Variants in CCDC57 observed in about 807,000 individuals in gnomAD.
CCDC57 encodes coiled-coil domain containing 57.
In CCDC57, 118 loss-of-function variants were observed where a neutral mutation model predicts 118.9. The ratio of observed to expected loss-of-function variants is 0.99; its 90% confidence interval spans 0.86 to 1.16. CCDC57 has a LOEUF of 1.16. CCDC57 is among the 50% of genes most tolerant of loss of function. The probability of loss-of-function intolerance (pLI) is 0.00; values close to 1 mark genes in which losing one functional copy is unlikely to be tolerated. For synonymous variants in CCDC57, 527 were observed against 532.9 expected (o/e 0.99, Z 0.15); for missense variants, 1,300 against 1,320.7 (o/e 0.98, Z 0.24).
rs1263692816 is a variant in CCDC57 at position 82,151,198 on chromosome 17, C to T, written c.2455+362G>A. Among the ~76,000 whole-genome samples the T allele has an allele frequency of 5.2e-5, 7 of 135,008 alleles. 1 individual carries two copies. Among genetic ancestry groups the T allele is most frequent in the South Asian group, 2.7e-4 (1 of 3,700 alleles). The allele number at this position is 135,008 out of a possible 152,430, so 88.6% of individuals were successfully genotyped here. A position where few individuals can be genotyped will look rare whatever the true frequency, so the allele number is the denominator to read the frequency against. Reference sequence around the variant, plus strand: ...AACCAGGCGCACACCCAGAACCAGGCGCACATCCAGAACCTGACCCACACC... The same window carrying T: ...AACCAGGCGCACACCCAGAACCAGGTGCACATCCAGAACCTGACCCACACC... On this transcript the variant is annotated intron_variant, in intron 16 of 19. Transcript: ENST00000665763.
intron 8 of CCDC57, 99 bp from the exon 8 acceptor site, chr17:82,184,031 G>GCGCGCGCGCACGCGCA: frequency 7.9e-6 from 1 of 125,852 alleles, no homozygotes; most frequent in Non-Finnish European, 1.6e-5. Context: ...GCGCGCGCGC[G>GCGCGCGCGCACGCGCA]CACACACACA....
intron 7 of CCDC57, 76 bp from the exon 7 acceptor site, chr17:82,188,495 C>G: frequency 7.0e-7 from 1 of 1,434,492 alleles, no homozygotes; most frequent in Non-Finnish European, 9.4e-7. Context: ...TGGAGGCGTT[C>G]ATTGCCCTGT....
At chr17:82,146,354 A>G (rs1425170912) in intron 16 of CCDC57, among the ~76,000 whole-genome samples, 3 of 152,160 alleles carry the variant, frequency 2.0e-5, no homozygotes, top group African/African-American at 7.2e-5. Context: ...CTTTGCAATC[A>G]GGACTCATCT....
At chr17:82,113,301 T>C in intron 19 of CCDC57, 1 of 669,872 alleles carries the variant, frequency 1.5e-6, no homozygotes, top group East Asian at 2.7e-5. Flanking sequence ...CTTGGATTCC[T>C]GTAGCTTCAG....
chr17:82,125,412 G>A (rs1441766587), intron 19 of CCDC57, among the ~76,000 whole-genome samples: 4 of 150,106 alleles, frequency 2.7e-5, no homozygotes, highest in African/African-American at 7.4e-5. Flanking sequence ...GTCTCATTCC[G>A]TCACCCAGAC....
chr17:82,150,187 TGACCCGCACCTAGAACCA>T (rs1598934597), intron 16 of CCDC57, among the ~76,000 whole-genome samples: 2 of 112,284 alleles, frequency 1.8e-5, no homozygotes, highest in Non-Finnish European at 1.8e-5. Flanking sequence ...ACCCAGAACC[TGACCCGCACCTAGAACCA>T]GGCGCACACC....
intron 11 of CCDC57, among the ~76,000 whole-genome samples, chr17:82,178,115 G>A (rs949757354): frequency 3.9e-5 from 6 of 152,154 alleles, no homozygotes; most frequent in South Asian, 2.1e-4. Context: ...CTTAACTATC[G>A]GCCACTAACG....
At chr17:82,177,286 G>T (rs920569672) in intron 11 of CCDC57, among the ~76,000 whole-genome samples, 3 of 152,046 alleles carry the variant, frequency 2.0e-5, no homozygotes, top group Admixed American at 6.5e-5. Context: ...TGAGGCAGGA[G>T]AATCACTTGA....
chr17:82,127,450 G>A (rs62078305), intron 19 of CCDC57: 567,035 of 981,722 alleles, frequency 0.58, 166,181 homozygotes, highest in Non-Finnish European at 0.59. Context: ...TGTGCGCCCG[G>A]GTGTACGGTG....
rs991143605 is a variant in CCDC57, at chr17:82,160,827, T to G, written c.2040+2373A>C. Among the ~76,000 whole-genome samples the G allele has an allele frequency of 4.8e-5, 6 of 126,288 alleles. No homozygotes were observed. The Admixed American group carries it at 6.1e-4, about 13-fold the overall frequency. The allele number at this position is 126,288 out of a possible 152,430, so 82.8% of individuals were successfully genotyped here. A position where few individuals can be genotyped will look rare whatever the true frequency, so the allele number is the denominator to read the frequency against. Reference sequence around the variant, plus strand: ...AGGCGGAGGTTGCAGTCAGCCGAGATCACGCCATTGCACTCCAGCCTGGGC... The same window carrying G: ...AGGCGGAGGTTGCAGTCAGCCGAGAGCACGCCATTGCACTCCAGCCTGGGC... On this transcript the variant is annotated intron_variant, in intron 14 of 19. Transcript: ENST00000665763.
At chr17:82,117,786 TACTG>T (rs2036117106) in intron 19 of CCDC57, among the ~76,000 whole-genome samples, 1 of 152,044 alleles carries the variant, frequency 6.6e-6, no homozygotes, top group Non-Finnish European at 1.5e-5. Flanking sequence ...AATCCACCAA[TACTG>T]AGTGAGGAAA....
intron 8 of CCDC57, 76 bp downstream of exon 7, chr17:82,188,143 C>T: frequency 7.6e-7 from 1 of 1,307,656 alleles, no homozygotes; most frequent in Non-Finnish European, 1.0e-6. Flanking sequence ...TGTGGTCTGG[C>T]ACCAGTGGGC....
intron 16 of CCDC57, among the ~76,000 whole-genome samples, chr17:82,135,865 C>T (rs959857859): frequency 1.1e-4 from 16 of 151,898 alleles, no homozygotes; most frequent in African/African-American, 3.6e-4. Context: ...TGGATACTGG[C>T]GTGGGCAACA....
At position 82,172,905 on chromosome 17, in the gene CCDC57, C is replaced by T. The variant is rs1420052998; in HGVS notation, c.1507-45G>A. 1.1e-5 allele frequency: 17 copies of T among 1,533,886 alleles called. No individual in the cohort carries two copies. The highest frequency in any genetic ancestry group is 1.5e-5 in the Non-Finnish European group (17 of 1,124,814). On this transcript the variant is annotated intron_variant, in intron 11 of 19. Transcript: ENST00000665763. This position sits in a 1 kb window ranked among gnomAD's most constrained non-coding sequence, Gnocchi z 5.2. ...ATGGCTACAAAAAGATGAATGGTTC[C>T]CCAGCTTGTCCTGACAGGCTGTGCC...
intron 11 of CCDC57, among the ~76,000 whole-genome samples, chr17:82,173,079 C>A (rs1049270580): frequency 2.6e-5 from 4 of 152,004 alleles, no homozygotes; most frequent in Non-Finnish European, 5.9e-5. Flanking sequence ...CTTTTGAGAT[C>A]CCTAGAGTGT....
exon 15 of CCDC57, chr17:82,157,764 A>G (rs1216026148): frequency 6.3e-7 from 1 of 1,599,746 alleles, no homozygotes; most frequent in Admixed American, 1.7e-5. Context: ...CCCAAGGGCC[A>G]CGGCGTCCGA....
intron 16 of CCDC57, among the ~76,000 whole-genome samples, chr17:82,143,630 A>C (rs4789744): frequency 0.47 from 70,831 of 152,038 alleles, 17,300 homozygotes; most frequent in East Asian, 0.88. Flanking sequence ...TGTTTGAAAA[A>C]CAATGACTGA....
chr17:82,188,410 C>A (rs758902005), exon 8 of CCDC57: 89 of 1,610,398 alleles, frequency 5.5e-5, no homozygotes, highest in East Asian at 2.2e-4. Flanking sequence ...GACGGTCGAG[C>A]TCCTCATGCC....
intron 19 of CCDC57, chr17:82,107,368 C>CGGGAGTG (rs57014466): frequency 0.51 from 228,756 of 451,762 alleles, 61,016 homozygotes; most frequent in African/African-American, 0.61. Context: ...ACAGATGCCG[C>CGGGAGTG]GGGAGTGGGG....
Sources: gnomAD v4.1 joint callset for allele counts (sites outside exome capture counted in the v4.1 genomes callset) on GRCh38, gnomAD v4.1.1 for gene constraint, Gnocchi (gnomAD v3.1) non-coding constraint, MANE v1.5 for transcripts, NCBI Gene and HGNC (gene_info 2026-07-23, HGNC 2026-07-21) for gene names.